Variants in SPTBN1 observed in about 807,000 individuals in gnomAD.
The protein encoded by SPTBN1 is spectrin beta, non-erythrocytic 1.
A neutral mutation model predicts 266.4 loss-of-function variants in SPTBN1; 32 were observed. The ratio of observed to expected loss-of-function variants is 0.12; its 90% CI spans 0.09 to 0.16. SPTBN1 has a LOEUF of 0.16. SPTBN1 is among the 10% of genes least tolerant of loss of function. SPTBN1 has a pLI of 1.00. For synonymous variants in SPTBN1, 1,336 were observed against 1,162.2 expected, an observed-to-expected ratio of 1.15 and a Z score of -3.04; for missense variants, 2,296 against 3,067.1, an observed-to-expected ratio of 0.75 and a Z score of 5.94.
intron 2 of SPTBN1, among the ~76,000 whole-genome samples, chr2:54,585,951 A>G (rs1213700541): frequency 6.6e-6 from 1 of 152,248 alleles, no homozygotes; most frequent in African/African-American, 2.4e-5. Flanking sequence ...CTGAATGAAG[A>G]ATACTCTGTG....
intron 2 of SPTBN1, among the ~76,000 whole-genome samples, chr2:54,561,755 A>AT (rs1352494470): frequency 6.7e-6 from 1 of 148,534 alleles, no homozygotes; most frequent in African/African-American, 2.4e-5. Context: ...ATTTATATAT[A>AT]AATATAGTTA....
intron 16 of SPTBN1, 26 bp downstream of exon 16, chr2:54,631,637 C>T: frequency 1.3e-6 from 2 of 1,591,494 alleles, no homozygotes; most frequent in Non-Finnish European, 1.7e-6. Context: ...GCCTTTGCTT[C>T]CTTTCGGTGA....
chr2:54,622,151 T>G (rs1678030667), intron 8 of SPTBN1, 149 bp from the exon 9 acceptor site: 1 of 710,780 alleles, frequency 1.4e-6, no homozygotes, highest in Non-Finnish European at 2.3e-6. Context: ...GTTAAAATGC[T>G]TGTGCCCAGG....
Position 54,664,515 on chromosome 2 carries a change from T to A in SPTBN1, c.6483T>A (p.Ser2161=). 4 of 1,614,090 alleles carry A rather than the reference T, an allele frequency of 2.5e-6. No individual in the cohort carries two copies. Among genetic ancestry groups the A allele is most frequent in the Non-Finnish European group, 3.4e-6 (4 of 1,180,020 alleles). ...GCGCTACAGAACAAAGGACGAGCTC[T>A]AAAGAGTCCAGCCCCATCCCCTCCC... ...VNGATEQRTS[S]KESSPIPSPT... is the part of the protein sequence containing the mutation. The change falls in exon 33 of 36, where the codon TCT becomes TCA. Residue 2161 remains serine (S), a synonymous_variant. Transcript: ENST00000356805. The surrounding 1 kb of genome is among the most constrained non-coding windows in gnomAD (Gnocchi z 5.6).
chr2:54,618,410 G>A (rs1677773090), intron 7 of SPTBN1, among the ~76,000 whole-genome samples: 2 of 152,246 alleles, frequency 1.3e-5, no homozygotes, highest in Non-Finnish European at 1.5e-5. Flanking sequence ...AGGAGAGCGT[G>A]TGCGGGCAGA....
At chr2:54,656,128 C>A (rs947473189) in intron 29 of SPTBN1, 130 bp downstream of exon 29, 1 of 689,050 alleles carries the variant, frequency 1.5e-6, no homozygotes, top group East Asian at 3.3e-5. Context: ...TTTAGTGCCC[C>A]GTTTCACCAT....
At chr2:54,463,172 G>A (rs1265016025) in intron 1 of SPTBN1, among the ~76,000 whole-genome samples, 2 of 151,318 alleles carry the variant, frequency 1.3e-5, no homozygotes, top group Admixed American at 6.6e-5. Context: ...GGTTGTGAAG[G>A]CCCAATCCTA....
intron 1 of SPTBN1, among the ~76,000 whole-genome samples, chr2:54,470,519 G>T (rs560998935): frequency 1.3e-5 from 2 of 152,194 alleles, no homozygotes; most frequent in African/African-American, 4.8e-5. Context: ...AGTCTCAAAT[G>T]TGCTAATTAA....
chr2:54,512,622 C>T (rs1669917577), intron 1 of SPTBN1, among the ~76,000 whole-genome samples: 2 of 152,108 alleles, frequency 1.3e-5, no homozygotes, highest in Admixed American at 6.5e-5. Context: ...CCAAATATGA[C>T]CCCTCATGTT....
chr2:54,653,973 G>C lies in SPTBN1; in HGVS notation c.5822+120G>C. 5 of 1,454,882 alleles carry C rather than the reference G, an allele frequency of 3.4e-6. No individual in the cohort carries two copies. The highest frequency in any genetic ancestry group is 2.7e-5 in the Admixed American group (1 of 36,380). The allele number at this position is 1,454,882 out of a possible 1,614,324, so 90.1% of individuals were successfully genotyped here. ...TGCCTGAGCGCTTCAAGGCCAGAGT[G>C]GGGGTGGGGCGGTGCTTGGAGTGCG... On this transcript the variant is annotated intron_variant, in intron 27 of 35. Transcript: ENST00000356805. This position sits in a 1 kb window ranked among gnomAD's most constrained non-coding sequence, Gnocchi z 5.1.
At chr2:54,568,467 T>G (rs1425405810) in intron 2 of SPTBN1, among the ~76,000 whole-genome samples, 1 of 152,060 alleles carries the variant, frequency 6.6e-6, no homozygotes, top group Non-Finnish European at 1.5e-5. Flanking sequence ...GAGTTTTTGG[T>G]TTTTTTGAAT....
intron 3 of SPTBN1, among the ~76,000 whole-genome samples, chr2:54,609,039 T>G (rs770058491): frequency 3.3e-5 from 5 of 152,110 alleles, no homozygotes; most frequent in Non-Finnish European, 7.4e-5. Flanking sequence ...GGGGGATTGG[T>G]CTTGCCATCT....
At chr2:54,581,875 TATTA>T (rs1674937690) in intron 2 of SPTBN1, among the ~76,000 whole-genome samples, 1 of 152,232 alleles carries the variant, frequency 6.6e-6, no homozygotes, top group African/African-American at 2.4e-5. Context: ...CTATGCTTTT[TATTA>T]ATTAATGGCT....
intron 2 of SPTBN1, among the ~76,000 whole-genome samples, chr2:54,572,117 G>A (rs1274334168): frequency 1.3e-5 from 2 of 152,140 alleles, no homozygotes; most frequent in Non-Finnish European, 2.9e-5. Flanking sequence ...CTAAACTTTG[G>A]TGAGGAGAAG....
intron 3 of SPTBN1, among the ~76,000 whole-genome samples, chr2:54,600,435 A>G (rs543920515): frequency 6.6e-6 from 1 of 152,046 alleles, no homozygotes; most frequent in Non-Finnish European, 1.5e-5. Flanking sequence ...CACTAGACAA[A>G]CTAGACAAAT....
intron 1 of SPTBN1, among the ~76,000 whole-genome samples, chr2:54,497,878 G>A (rs1337099740): frequency 3.3e-5 from 5 of 152,126 alleles, no homozygotes; most frequent in Non-Finnish European, 7.3e-5. Flanking sequence ...CTGCACAGCA[G>A]GACAGGTGCA....
In SPTBN1 at chr2:54,479,383, G is replaced by A. The variant is rs187067935; in HGVS notation, c.-48+22865G>A. On this transcript the variant is annotated intron_variant, in intron 1 of 35. Transcript: ENST00000356805. ...TCCTCTTCTGTGGAAGGTAGGACTT[G>A]GGAGGGAGTATTTTACAGTGGTTAG... Among the ~76,000 whole-genome samples the A allele has an allele frequency of 3.0e-4, 45 of 152,336 alleles. 1 individual carries two copies. Among genetic ancestry groups the A allele is most frequent in the Non-Finnish European group, 3.2e-4 (22 of 68,026 alleles).
chr2:54,468,370 A>T (rs1693748423), intron 1 of SPTBN1, among the ~76,000 whole-genome samples: 1 of 152,034 alleles, frequency 6.6e-6, no homozygotes. Context: ...ATATATATTT[A>T]TTTATTTATT....
At chr2:54,579,466 G>A (rs1674723019) in intron 2 of SPTBN1, among the ~76,000 whole-genome samples, 4 of 152,120 alleles carry the variant, frequency 2.6e-5, no homozygotes, top group African/African-American at 9.7e-5. Context: ...TAGGGACCGT[G>A]GCCCCCAATG....
Sources: gnomAD v4.1 joint callset for allele counts (sites outside exome capture counted in the v4.1 genomes callset) on GRCh38, gnomAD v4.1.1 for gene constraint, Gnocchi (gnomAD v3.1) non-coding constraint, MANE v1.5 for transcripts, NCBI Gene and HGNC (gene_info 2026-07-23, HGNC 2026-07-21) for gene names.